MEI4: variants seen among roughly 807,000 people sequenced by gnomAD.
MEI4 encodes the protein meiotic double-stranded break formation protein 4.
In MEI4, 27 loss-of-function variants were observed where a neutral mutation model predicts 31.4. The ratio of observed to expected loss-of-function variants is 0.86; its 90% CI spans 0.63 to 1.19. MEI4 has a LOEUF of 1.19. Ranked by LOEUF, MEI4 falls within the 50% of genes most tolerant of loss-of-function variation. The pLI is 0.00. For missense variants in MEI4, 329 were observed against 398.9 expected (o/e 0.82, Z 1.49); for synonymous variants, 122 against 145.4 (o/e 0.84, Z 1.16).
At chr6:77,913,192 C>A (rs777798304) in intron 4 of MEI4, among the ~76,000 whole-genome samples, 7 of 152,080 alleles carry the variant, frequency 4.6e-5, no homozygotes, top group Non-Finnish European at 7.4e-5. Flanking sequence ...GGTTTTCTAG[C>A]ATATTGTTGA....
At chr6:77,884,579 C>T (rs1354109834) in intron 4 of MEI4, among the ~76,000 whole-genome samples, 1 of 152,078 alleles carries the variant, frequency 6.6e-6, no homozygotes, top group East Asian at 1.9e-4. Context: ...TTTGGATATC[C>T]AGTTGTCTCA....
At chr6:77,799,938 A>G (rs1464996339) in intron 3 of MEI4, among the ~76,000 whole-genome samples, 1 of 152,162 alleles carries the variant, frequency 6.6e-6, no homozygotes, top group East Asian at 1.9e-4. Context: ...TGATGCCTCC[A>G]GCTCTGTTCT....
chr6:77,788,424 A>G (rs1433412088), intron 3 of MEI4, among the ~76,000 whole-genome samples: 4 of 152,182 alleles, frequency 2.6e-5, no homozygotes, highest in Non-Finnish European at 5.9e-5. Flanking sequence ...AGGAGAAGGA[A>G]ATAAAGGGCA....
At chr6:77,880,293 C>T (rs568593199) in intron 4 of MEI4, among the ~76,000 whole-genome samples, 19 of 150,940 alleles carry the variant, frequency 1.3e-4, no homozygotes, top group Admixed American at 2.0e-4. Flanking sequence ...TGCAGTGGCA[C>T]GATCTTGGCT....
At chr6:77,920,780 C>G (rs1392159485) in intron 4 of MEI4, among the ~76,000 whole-genome samples, 1 of 151,844 alleles carries the variant, frequency 6.6e-6, no homozygotes, top group Non-Finnish European at 1.5e-5. Context: ...ATGCATCCAT[C>G]AGAGCTTTTG....
chr6:77,667,429 A>T (rs1328521550), intron 1 of MEI4, among the ~76,000 whole-genome samples: 1 of 152,116 alleles, frequency 6.6e-6, no homozygotes, highest in Non-Finnish European at 1.5e-5. Flanking sequence ...CATATACTTC[A>T]TGAAACTTTC....
At chr6:77,852,581 G>GT (rs1190998755) in intron 4 of MEI4, among the ~76,000 whole-genome samples, 5 of 56,006 alleles carry the variant, frequency 8.9e-5, no homozygotes, top group Admixed American at 1.9e-4. Context: ...TTTTGTTGTT[G>GT]TTTGTTTTTT....
At chr6:77,799,285 T>C (rs1021056163) in intron 3 of MEI4, among the ~76,000 whole-genome samples, 1 of 152,236 alleles carries the variant, frequency 6.6e-6, no homozygotes, top group Admixed American at 6.5e-5. Flanking sequence ...GCTGCATAAA[T>C]GTCTTCTTTT....
At chr6:77,885,502 C>G (rs1771597056) in intron 4 of MEI4, among the ~76,000 whole-genome samples, 1 of 151,862 alleles carries the variant, frequency 6.6e-6, no homozygotes, top group Admixed American at 6.6e-5. Context: ...AAGATAGTGA[C>G]TTTTGTACAT....
chr6:77,690,035 C>T (rs1313584164), intron 1 of MEI4, among the ~76,000 whole-genome samples: 2 of 151,812 alleles, frequency 1.3e-5, no homozygotes, highest in Admixed American at 1.3e-4. Context: ...CTCAGAATGA[C>T]GATTGGAAAT....
chr6:77,846,977 C>T (rs896754150), intron 4 of MEI4, among the ~76,000 whole-genome samples: 2 of 152,022 alleles, frequency 1.3e-5, no homozygotes, highest in South Asian at 2.1e-4. Flanking sequence ...TTCATTTTTC[C>T]GTCATAGATT....
chr6:77,804,809 C>T (rs781307995), intron 3 of MEI4, among the ~76,000 whole-genome samples: 4 of 152,174 alleles, frequency 2.6e-5, no homozygotes, highest in Admixed American at 1.3e-4. Flanking sequence ...GAAAGGCACT[C>T]ATCTATACAT....
intron 4 of MEI4, among the ~76,000 whole-genome samples, chr6:77,834,780 C>T (rs909554430): frequency 6.6e-6 from 1 of 152,144 alleles, no homozygotes. Flanking sequence ...CTAAAGCAAA[C>T]AGCATTTGCC....
At chr6:77,829,510 A>G (rs1770029389) in intron 4 of MEI4, among the ~76,000 whole-genome samples, 2 of 152,174 alleles carry the variant, frequency 1.3e-5, no homozygotes, top group Admixed American at 1.3e-4. Context: ...CAATCCTATT[A>G]TTACATAGAG....
intron 2 of MEI4, among the ~76,000 whole-genome samples, chr6:77,703,417 T>A (rs1766265130): frequency 6.6e-6 from 1 of 152,194 alleles, no homozygotes; most frequent in Non-Finnish European, 1.5e-5. Context: ...AATGACAATG[T>A]TAGCTTCTTA....
At chr6:77,921,301 C>T (rs1431024014) in intron 4 of MEI4, among the ~76,000 whole-genome samples, 2 of 151,850 alleles carry the variant, frequency 1.3e-5, no homozygotes, top group Non-Finnish European at 2.9e-5. Flanking sequence ...CCTCTGCTAT[C>T]TATCTTCAGA....
At chr6:77,781,795 G>C (rs1768603653) in intron 3 of MEI4, among the ~76,000 whole-genome samples, 14 of 152,136 alleles carry the variant, frequency 9.2e-5, no homozygotes, top group Admixed American at 9.2e-4. Flanking sequence ...CAGGACAGTT[G>C]CTGCCTTGTC....
At chr6:77,716,969 A>T in intron 2 of MEI4, 5 of 326,730 alleles carry the variant, frequency 1.5e-5, no homozygotes, top group Non-Finnish European at 2.2e-5. Flanking sequence ...GCCCCTACAC[A>T]CCTGTGGGTG....
At chr6:77,907,610 G>A (rs1196201184) in intron 4 of MEI4, among the ~76,000 whole-genome samples, 1 of 152,132 alleles carries the variant, frequency 6.6e-6, no homozygotes, top group African/African-American at 2.4e-5. Context: ...GTGTGCATGT[G>A]TCCTTATAGC....
Sources: gnomAD v4.1 joint callset for allele counts (sites outside exome capture counted in the v4.1 genomes callset) on GRCh38, gnomAD v4.1.1 for gene constraint, MANE v1.5 for transcripts, NCBI Gene and HGNC (gene_info 2026-07-23, HGNC 2026-07-21) for gene names.